Variants in CCDC149 observed in about 807,000 individuals in gnomAD.
CCDC149 encodes the protein coiled-coil domain containing 149.
In CCDC149, 45 loss-of-function variants were observed where a neutral mutation model predicts 59.9. The observed-to-expected ratio is 0.75, with a 90% CI of 0.59 to 0.96. CCDC149 has a LOEUF of 0.96. Ranked by LOEUF, CCDC149 falls within the 40% of genes least tolerant of loss-of-function variation. CCDC149 has a pLI of 0.00. For synonymous variants in CCDC149, 245 were observed against 260.6 expected (o/e 0.94, Z 0.58); for missense variants, 584 against 664.7 (o/e 0.88, Z 1.33).
At chr4:24,854,592 G>A (rs1421455296) in intron 3 of CCDC149, among the ~76,000 whole-genome samples, 4 of 152,196 alleles carry the variant, frequency 2.6e-5, no homozygotes, top group South Asian at 2.1e-4. Flanking sequence ...GAACTAACCC[G>A]ACTGGAATGG....
At chr4:24,817,833 T>A (rs1001853747) in intron 12 of CCDC149, among the ~76,000 whole-genome samples, 2 of 152,152 alleles carry the variant, frequency 1.3e-5, no homozygotes, top group Non-Finnish European at 2.9e-5. Context: ...AATAGCTAAC[T>A]GATACAGCTG....
chr4:24,810,063 T>A (rs938879474), intron 12 of CCDC149, among the ~76,000 whole-genome samples: 18 of 152,100 alleles, frequency 1.2e-4, no homozygotes, highest in African/African-American at 4.3e-4. Flanking sequence ...ATCACACGTG[T>A]CCTCCCAGCC....
chr4:24,908,891 G>A (rs1301868917), intron 1 of CCDC149, among the ~76,000 whole-genome samples: 5 of 152,206 alleles, frequency 3.3e-5, no homozygotes, highest in East Asian at 3.8e-4. Flanking sequence ...TGGGCTGAGC[G>A]ATGACCAGGA....
At chr4:24,931,839 A>ATATATATATATATATG (rs1450107814) in intron 1 of CCDC149, among the ~76,000 whole-genome samples, 1 of 58,974 alleles carries the variant, frequency 1.7e-5, no homozygotes, top group African/African-American at 3.6e-5. Flanking sequence ...GTATATATAT[A>ATATATATATATATATG]TATATATATA....
At chr4:24,942,346 AC>A (rs1189457643) in intron 1 of CCDC149, among the ~76,000 whole-genome samples, 223 of 152,224 alleles carry the variant, frequency 1.5e-3, no homozygotes, top group Middle Eastern at 0.01. Context: ...AAATTCAACA[AC>A]CCTTCATGCT....
At chr4:24,874,244 G>GTTGTTTTTTTTT (rs1719241446) in intron 2 of CCDC149, among the ~76,000 whole-genome samples, 1 of 87,486 alleles carries the variant, frequency 1.1e-5, no homozygotes. Flanking sequence ...TATTAGATTT[G>GTTGTTTTTTTTT]TTTTTTTTTT....
chr4:24,971,618 G>A (rs28764927), intron 1 of CCDC149, among the ~76,000 whole-genome samples: 4,211 of 152,308 alleles, frequency 0.028, 172 homozygotes, highest in African/African-American at 0.095. Flanking sequence ...TGTAGAAGCT[G>A]TCTATGATTC....
intron 1 of CCDC149, among the ~76,000 whole-genome samples, chr4:24,958,666 T>C (rs1302556642): frequency 6.6e-6 from 1 of 152,174 alleles, no homozygotes; most frequent in Admixed American, 6.6e-5. Context: ...ATGCAATTCA[T>C]GGATGATTCG....
At chr4:24,900,915 G>A (rs745337942) in intron 1 of CCDC149, among the ~76,000 whole-genome samples, 59 of 152,314 alleles carry the variant, frequency 3.9e-4, no homozygotes, top group Admixed American at 6.5e-4. Context: ...AGCAGCCAGC[G>A]TATGTGGGGA....
chr4:24,917,071 G>T (rs115885278), upstream of CCDC149, among the ~76,000 whole-genome samples: 1 of 152,060 alleles, frequency 6.6e-6, no homozygotes, highest in Non-Finnish European at 1.5e-5. Flanking sequence ...CCTACCTAGA[G>T]GTTCTCTGGG....
At chr4:24,859,748 G>A (rs1010888416) in intron 3 of CCDC149, among the ~76,000 whole-genome samples, 1 of 152,142 alleles carries the variant, frequency 6.6e-6, no homozygotes, top group African/African-American at 2.4e-5. Context: ...ATTCAGTAAA[G>A]TTTCAGGATA....
intron 1 of CCDC149, among the ~76,000 whole-genome samples, chr4:24,942,769 C>T (rs1411365166): frequency 1.3e-5 from 2 of 151,918 alleles, no homozygotes; most frequent in Non-Finnish European, 2.9e-5. Context: ...AAACAGAGAG[C>T]CAAATCATGA....
chr4:24,813,500 A>ATCTATC (rs1560197596), intron 12 of CCDC149, among the ~76,000 whole-genome samples: 1 of 18,148 alleles, frequency 5.5e-5, no homozygotes, highest in African/African-American at 1.3e-4. Flanking sequence ...ATATATATAT[A>ATCTATC]TATATATATA....
rs187650239 is a variant in CCDC149 at position 24,925,783 on chromosome 4, C to T, written c.-64-30665G>A. Among the ~76,000 whole-genome samples the T allele has an allele frequency of 5.9e-5, 9 of 152,356 alleles. No individual in the cohort carries two copies. The East Asian group carries it at 1.7e-3, about 29-fold the overall frequency. ...TCTGAGGCTTAAACAAGGGATCTTA[C>T]AGTCCCATTCTGAATTCATATTTTC... On this transcript the variant is annotated intron_variant, in intron 1 of 12. Transcript: ENST00000389609.
intron 12 of CCDC149, among the ~76,000 whole-genome samples, chr4:24,816,997 C>T (rs373200997): frequency 6.6e-6 from 1 of 152,144 alleles, no homozygotes; most frequent in East Asian, 1.9e-4. Context: ...CCATCCCGGA[C>T]GCTGACAGCC....
At chr4:24,968,404 AGACTGG>A (rs550811077) in intron 1 of CCDC149, among the ~76,000 whole-genome samples, 32 of 152,346 alleles carry the variant, frequency 2.1e-4, no homozygotes, top group African/African-American at 7.5e-4. Flanking sequence ...ACAAATTCCC[AGACTGG>A]GACATTGCAG....
intron 1 of CCDC149, among the ~76,000 whole-genome samples, chr4:24,969,312 C>T (rs987348868): frequency 2.0e-5 from 3 of 152,212 alleles, no homozygotes; most frequent in Non-Finnish European, 4.4e-5. Context: ...GCCTGTTGTT[C>T]ATCTACCCTT....
intron 9 of CCDC149, chr4:24,829,548 A>G (rs1003813720): frequency 1.3e-5 from 2 of 152,114 alleles, no homozygotes; most frequent in Non-Finnish European, 2.9e-5. Flanking sequence ...CAAGATGAAA[A>G]TCTCAATGTG....
Position 24,876,702 on chromosome 4 carries a change from A to G in CCDC149, c.64-5T>C. Reference sequence around the variant, plus strand: ...CTTCCTCTTACACACCAGGTACTGCAAAGCAAACAAATCCAGGCAATGGGT... The same window carrying G: ...CTTCCTCTTACACACCAGGTACTGCGAAGCAAACAAATCCAGGCAATGGGT... On this transcript the variant is annotated splice_polypyrimidine_tract_variant and splice_region_variant and intron_variant, in intron 1 of 12. Coordinates refer to ENST00000635206, the MANE Select transcript of CCDC149 (RefSeq NM_001330643.2). 6.2e-7 allele frequency: 1 copy of G among 1,604,488 alleles called. No individual in the cohort carries two copies. Among genetic ancestry groups the G allele is most frequent in the South Asian group, 1.1e-5 (1 of 89,666 alleles).
Sources: gnomAD v4.1 joint callset for allele counts (sites outside exome capture counted in the v4.1 genomes callset) on GRCh38, gnomAD v4.1.1 for gene constraint, MANE v1.5 for transcripts, NCBI Gene and HGNC (gene_info 2026-07-23, HGNC 2026-07-21) for gene names.